The following RAB40C variants were observed in gnomAD, a reference collection of about 807,000 sequenced individuals.
RAB40C encodes ras-related protein Rab-40C.
Under a neutral mutation model 28.1 loss-of-function variants are expected in RAB40C, and 8 were observed. The observed-to-expected ratio is 0.28, with a 90% CI of 0.17 to 0.51. RAB40C has a LOEUF of 0.51. Among genes scored for constraint, RAB40C ranks in the 20% least tolerant of loss-of-function variants. The probability of loss-of-function intolerance (pLI) is 0.97; values close to 1 mark genes in which losing one functional copy is unlikely to be tolerated. For missense variants in RAB40C, 288 were observed against 405.9 expected, an observed-to-expected ratio of 0.71 and a Z score of 2.50; for synonymous variants, 201 against 171.7, an observed-to-expected ratio of 1.17 and a Z score of -1.34.
At chr16:623,752 G>C (rs1360268756) in intron 3 of RAB40C, 2 of 164,624 alleles carry the variant, frequency 1.2e-5, no homozygotes, top group Non-Finnish European at 2.5e-5. Context: ...TTCAAGACCA[G>C]CCTGGGCAAC....
chr16:590,549 C>T (rs1202411095), intron 1 of RAB40C, 116 bp downstream of exon 1: 2 of 1,284,056 alleles, frequency 1.6e-6, no homozygotes, highest in Admixed American at 8.3e-5. Context: ...CCAGGAACGC[C>T]TTTGCCTGGC....
chr16:601,456 G>C (rs1596401625), intron 1 of RAB40C, among the ~76,000 whole-genome samples: 1 of 152,080 alleles, frequency 6.6e-6, no homozygotes, highest in South Asian at 2.1e-4. Context: ...GTGTGAGTTT[G>C]CTCAGGTGTG....
At chr16:621,584 T>C (rs2036718111) in intron 3 of RAB40C, among the ~76,000 whole-genome samples, 2 of 152,194 alleles carry the variant, frequency 1.3e-5, no homozygotes, top group South Asian at 4.1e-4. Context: ...CTAGACTTCA[T>C]GGTCGTGTTT....
In RAB40C at chr16:627,755, C is replaced by T; in HGVS notation, c.*133C>T. Reference sequence around the variant, plus strand: ...CCTCAGAAGCGCCGGGCTTTCCTCACACCTGAGCCGGGTGCGAGGAGGAGC... The same window carrying T: ...CCTCAGAAGCGCCGGGCTTTCCTCATACCTGAGCCGGGTGCGAGGAGGAGC... On this transcript the variant is annotated 3_prime_UTR_variant, in exon 6 of 6. Coordinates refer to ENST00000248139, the MANE Select transcript of RAB40C (RefSeq NM_021168.5). The T allele has an allele frequency of 8.4e-7, 1 of 1,186,952 alleles. No homozygotes were observed. The highest frequency in any genetic ancestry group is 1.1e-6 in the Non-Finnish European group (1 of 880,114). 73.5% of individuals were successfully genotyped at this position (1,186,952 alleles called of 1,614,324 possible).
chr16:611,415 A>G (rs976617481), intron 1 of RAB40C, among the ~76,000 whole-genome samples: 3 of 152,216 alleles, frequency 2.0e-5, no homozygotes, highest in Admixed American at 6.5e-5. Flanking sequence ...GTGGTGTCCA[A>G]CTTTGGCCTC....
In RAB40C at chr16:590,133, CG is replaced by C. The variant is rs2035957598; in HGVS notation, c.-156del. The C allele has an allele frequency of 3.7e-6, 1 of 270,244 alleles. No homozygotes were observed. Among genetic ancestry groups the C allele is most frequent in the African/African-American group, 2.5e-5 (1 of 40,636 alleles). The allele number at this position is 270,244 out of a possible 1,614,324, so 16.7% of individuals were successfully genotyped here. A position where few individuals can be genotyped will look rare whatever the true frequency, so the allele number is the denominator to read the frequency against. On this transcript the variant is annotated 5_prime_UTR_variant, in exon 1 of 6. Coordinates refer to ENST00000248139, the MANE Select transcript of RAB40C (RefSeq NM_021168.5). ...GGCGAGGCTGAGGTGCGCCCGGGCG[CG>C]GGCGGGGCGGGGCCGGCGCTGGGCT...
At chr16:590,808 C>G (rs1339996598) in intron 1 of RAB40C, among the ~76,000 whole-genome samples, 1 of 148,262 alleles carries the variant, frequency 6.7e-6, no homozygotes, top group African/African-American at 2.5e-5. Flanking sequence ...TGTCATGGGT[C>G]TAGGATCATC....
intron 1 of RAB40C, among the ~76,000 whole-genome samples, chr16:614,316 CCGA>C (rs1197036949): frequency 0.04 from 5,427 of 135,236 alleles, 259 homozygotes; most frequent in Non-Finnish European, 0.053. Context: ...CTGCCACATC[CCGA>C]TGGTGAACTG....
rs147748665 is a variant in RAB40C at position 614,094 on chromosome 16, C to G, written c.143-3114C>G. ...TATCCCGATGGTGAACTGCCGAACT[C>G]TACCGCATCCCGATGGTGAACTGCC... On this transcript the variant is annotated intron_variant, in intron 1 of 5. Transcript: ENST00000248139. Among the ~76,000 whole-genome samples, 380 of 149,792 alleles carry G rather than the reference C, an allele frequency of 2.5e-3. 2 individuals carry two copies. Among genetic ancestry groups the G allele is most frequent in the African/African-American group, 7.9e-3 (321 of 40,652 alleles).
chr16:622,547 C>G (rs901530767), intron 3 of RAB40C, among the ~76,000 whole-genome samples: 3 of 152,200 alleles, frequency 2.0e-5, no homozygotes, highest in Admixed American at 6.5e-5. Flanking sequence ...CTGGCTCTGT[C>G]GCCAGGCTGG....
At chr16:603,585 A>G (rs1359059084) in intron 1 of RAB40C, among the ~76,000 whole-genome samples, 1 of 152,232 alleles carries the variant, frequency 6.6e-6, no homozygotes, top group Non-Finnish European at 1.5e-5. Context: ...AAGCAGATCA[A>G]TGCCCTGTGG....
intron 4 of RAB40C, 150 bp from the exon 5 acceptor site, chr16:625,749 C>A: frequency 1.1e-6 from 1 of 887,878 alleles, no homozygotes; most frequent in Non-Finnish European, 1.7e-6. Context: ...AGGGCCTGAG[C>A]CCTGGGGTCT....
In RAB40C at chr16:607,501, CAA is replaced by C. The variant is rs536655116; in HGVS notation, c.143-9693_143-9692del. On this transcript the variant is annotated intron_variant, in intron 1 of 5. Coordinates refer to ENST00000248139, the MANE Select transcript of RAB40C (RefSeq NM_021168.5). ...CTGGACAACGAGAGTGAAACTGTCT[CAA>C]AAAAAAAAAAAAACGGGGGGCCGGG... Among the ~76,000 whole-genome samples the C allele has an allele frequency of 4.0e-3, 402 of 101,000 alleles. 8 individuals are homozygous for C. Among genetic ancestry groups the C allele is most frequent in the South Asian group, 0.014 (41 of 2,912 alleles). The allele number at this position is 101,000 out of a possible 152,430, so 66.3% of individuals were successfully genotyped here.
intron 1 of RAB40C, chr16:616,939 T>C: frequency 2.1e-6 from 1 of 470,818 alleles, no homozygotes; most frequent in South Asian, 2.5e-5. Flanking sequence ...CCTGCTAGGC[T>C]GTGGGGCCCG....
Position 610,285 on chromosome 16 carries a change from T to G in RAB40C, c.143-6923T>G, listed in dbSNP as rs181094787. On this transcript the variant is annotated intron_variant, in intron 1 of 5. Transcript: ENST00000248139. This position sits in a 1 kb window ranked among gnomAD's most constrained non-coding sequence, Gnocchi z 4.6. ...GACCAGGACAGTGCCGTGTGTCTCATGGGGTTGTGTTCAGGTCGGCTGAGA... is the reference window on the plus strand; with the variant it reads ...GACCAGGACAGTGCCGTGTGTCTCAGGGGGTTGTGTTCAGGTCGGCTGAGA... Among the ~76,000 whole-genome samples the G allele has an allele frequency of 2.5e-3, 380 of 152,076 alleles. 4 individuals carry two copies. The highest frequency in any genetic ancestry group is 0.021 in the Admixed American group (321 of 15,292).
chr16:592,014 G>A (rs772591183), intron 1 of RAB40C, among the ~76,000 whole-genome samples: 7 of 152,212 alleles, frequency 4.6e-5, no homozygotes, highest in East Asian at 1.9e-4. Context: ...TGAGTGAGAC[G>A]GTGTGGTCCT....
At chr16:621,280 G>A (rs534464118) in intron 3 of RAB40C, among the ~76,000 whole-genome samples, 5 of 152,366 alleles carry the variant, frequency 3.3e-5, no homozygotes, top group South Asian at 4.1e-4. Flanking sequence ...GGTGAGCAGC[G>A]GTGAGGTGCG....
At position 625,503 on chromosome 16, in the gene RAB40C, C is replaced by A. The variant is rs374602717; in HGVS notation, c.336C>A (p.Ile112=). 3 of 1,613,310 alleles carry A rather than the reference C, an allele frequency of 1.9e-6. No homozygotes were observed. The highest frequency in any genetic ancestry group is 2.5e-6 in the Non-Finnish European group (3 of 1,179,908). Residue 112 remains isoleucine, a synonymous_variant, in exon 4 of 6, where the codon ATC becomes ATA. Coordinates refer to ENST00000248139, the MANE Select transcript of RAB40C (RefSeq NM_021168.5). The part of the protein sequence containing the change: ...FDGIDRWIKE[I]DEHAPGVPRI... ...GCATCGACCGCTGGATCAAGGAGAT[C>A]GATGAGGTAGGCCTGGGTCCGGGGA... is the stretch of plus-strand genomic sequence containing the variant.
intron 1 of RAB40C, among the ~76,000 whole-genome samples, chr16:601,977 T>G (rs1291913020): frequency 6.6e-6 from 1 of 151,962 alleles, no homozygotes; most frequent in Admixed American, 6.6e-5. Context: ...AATATAAAAG[T>G]TAGCGGGGTG....
Sources: gnomAD v4.1 joint callset for allele counts (sites outside exome capture counted in the v4.1 genomes callset) on GRCh38, gnomAD v4.1.1 for gene constraint, Gnocchi (gnomAD v3.1) non-coding constraint, MANE v1.5 for transcripts, NCBI Gene and HGNC (gene_info 2026-07-23, HGNC 2026-07-21) for gene names.